DRC11: variants seen among roughly 807,000 people sequenced by gnomAD.
The protein encoded by DRC11 is IQ and AAA domain-containing protein 1.
At chr2:236,419,169 C>T in the DRC11 span, 3 of 1,530,218 alleles carry the variant, frequency 2.0e-6, no homozygotes, top group South Asian at 3.8e-5. This position sits in a 1 kb window ranked among gnomAD's most constrained non-coding sequence, Gnocchi z 4.8. Context: ...TCCTTTGTTC[C>T]TTTCTTTTGT....
chr2:236,465,569 T>C, the DRC11 span: 3 of 1,614,036 alleles, frequency 1.9e-6, no homozygotes, highest in South Asian at 2.2e-5. The surrounding 1 kb of genome is among the most constrained non-coding windows in gnomAD (Gnocchi z 6.2). Context: ...ACGCCTTCTA[T>C]CAACTTTAGG....
chr2:236,437,793 GT>G, the DRC11 span, among the ~76,000 whole-genome samples: 3 of 151,826 alleles, frequency 2.0e-5, no homozygotes, highest in South Asian at 2.1e-4. Context: ...GGGGTCGTTT[GT>G]TTTTTTCTTG....
chr2:236,469,698 A>T, the DRC11 span, among the ~76,000 whole-genome samples: 802 of 152,332 alleles, frequency 5.3e-3, 13 homozygotes, highest in African/African-American at 0.019. The surrounding 1 kb of genome is among the most constrained non-coding windows in gnomAD (Gnocchi z 5.8). Context: ...TTTAAAGGTT[A>T]TAACATATTT....
chr2:236,439,833 A>G, the DRC11 span, among the ~76,000 whole-genome samples: 1 of 152,316 alleles, frequency 6.6e-6, no homozygotes, highest in South Asian at 2.1e-4. Context: ...TTCCTTAAAA[A>G]AGAAAACGTT....
the DRC11 span, among the ~76,000 whole-genome samples, chr2:236,307,676 T>C: frequency 6.6e-6 from 1 of 152,276 alleles, no homozygotes; most frequent in African/African-American, 2.4e-5. The surrounding 1 kb of genome is among the most constrained non-coding windows in gnomAD (Gnocchi z 7.0). Context: ...TGCCAGACTC[T>C]TGCAGCAACA....
the DRC11 span, chr2:236,419,299 T>A: frequency 6.6e-7 from 1 of 1,518,024 alleles, no homozygotes; most frequent in Non-Finnish European, 8.8e-7. This position sits in a 1 kb window ranked among gnomAD's most constrained non-coding sequence, Gnocchi z 4.8. Context: ...AATCATACCA[T>A]TTTCATAGAT....
At chr2:236,314,298 CACAACCAT>C in the DRC11 span, among the ~76,000 whole-genome samples, 1 of 152,096 alleles carries the variant, frequency 6.6e-6, no homozygotes, top group Non-Finnish European at 1.5e-5. The surrounding 1 kb of genome is among the most constrained non-coding windows in gnomAD (Gnocchi z 4.5). Flanking sequence ...GCTACAAGTC[CACAACCAT>C]ACATGATAAA....
At chr2:236,364,598 G>A in the DRC11 span, among the ~76,000 whole-genome samples, 3 of 101,872 alleles carry the variant, frequency 2.9e-5, no homozygotes, top group African/African-American at 1.0e-4. Context: ...GGTTCATGCC[G>A]TGTTCTCCAC....
At chr2:236,458,168 G>A in the DRC11 span, among the ~76,000 whole-genome samples, 217 of 152,324 alleles carry the variant, frequency 1.4e-3, 1 homozygote, top group African/African-American at 5.1e-3. Flanking sequence ...AGGTAGGGCC[G>A]AAGGTTTAAG....
chr2:236,415,541 C>G, the DRC11 span, among the ~76,000 whole-genome samples: 1 of 152,116 alleles, frequency 6.6e-6, no homozygotes, highest in Non-Finnish European at 1.5e-5. The surrounding 1 kb of genome is among the most constrained non-coding windows in gnomAD (Gnocchi z 5.7). Context: ...TTAAATATAT[C>G]AATTTTTATT....
At chr2:236,375,020 A>C in the DRC11 span, among the ~76,000 whole-genome samples, 1 of 151,896 alleles carries the variant, frequency 6.6e-6, no homozygotes, top group Non-Finnish European at 1.5e-5. This position sits in a 1 kb window ranked among gnomAD's most constrained non-coding sequence, Gnocchi z 4.2. Flanking sequence ...CTTTAAAATG[A>C]CCAGATCTCG....
the DRC11 span, among the ~76,000 whole-genome samples, chr2:236,454,410 T>A: frequency 6.6e-6 from 1 of 152,232 alleles, no homozygotes; most frequent in Non-Finnish European, 1.5e-5. The surrounding 1 kb of genome is among the most constrained non-coding windows in gnomAD (Gnocchi z 5.3). Flanking sequence ...TTCAACCTAA[T>A]ATCTTTTCCA....
the DRC11 span, among the ~76,000 whole-genome samples, chr2:236,336,122 C>T: frequency 1.3e-5 from 2 of 152,110 alleles, no homozygotes; most frequent in Non-Finnish European, 2.9e-5. The surrounding 1 kb of genome is among the most constrained non-coding windows in gnomAD (Gnocchi z 7.3). Flanking sequence ...GCAGAAATAG[C>T]TGGGCCTAAA....
At chr2:236,377,666 T>C in the DRC11 span, among the ~76,000 whole-genome samples, 4 of 152,238 alleles carry the variant, frequency 2.6e-5, no homozygotes, top group Non-Finnish European at 5.9e-5. The surrounding 1 kb of genome is among the most constrained non-coding windows in gnomAD (Gnocchi z 4.9). Context: ...AGACTTATAC[T>C]GAAGATAATT....
the DRC11 span, among the ~76,000 whole-genome samples, chr2:236,330,845 T>C: frequency 2.6e-5 from 4 of 152,216 alleles, no homozygotes; most frequent in Admixed American, 2.0e-4. This position sits in a 1 kb window ranked among gnomAD's most constrained non-coding sequence, Gnocchi z 5.5. Context: ...CAAAGTTTCC[T>C]TCAGATCCAA....
the DRC11 span, among the ~76,000 whole-genome samples, chr2:236,350,180 T>C: frequency 1.3e-5 from 2 of 152,230 alleles, no homozygotes; most frequent in Non-Finnish European, 2.9e-5. The surrounding 1 kb of genome is among the most constrained non-coding windows in gnomAD (Gnocchi z 5.2). Flanking sequence ...TCTAAATCAG[T>C]TGTTTTGAAA....
the DRC11 span, among the ~76,000 whole-genome samples, chr2:236,503,410 C>G: frequency 1.3e-5 from 2 of 152,196 alleles, no homozygotes; most frequent in Non-Finnish European, 2.9e-5. The surrounding 1 kb of genome is among the most constrained non-coding windows in gnomAD (Gnocchi z 4.9). Context: ...TCAGTTGGGT[C>G]AGAGAAGCAG....
the DRC11 span, chr2:236,364,039 C>G: frequency 6.9e-7 from 1 of 1,451,224 alleles, no homozygotes; most frequent in Non-Finnish European, 9.5e-7. Flanking sequence ...GGTTCTTCAA[C>G]TAGGATAACT....
At chr2:236,320,771 C>A in the DRC11 span, among the ~76,000 whole-genome samples, 31 of 152,158 alleles carry the variant, frequency 2.0e-4, no homozygotes, top group Admixed American at 1.3e-3. Context: ...TGGCCCAGGG[C>A]GGCTGAGGCC....
Sources: allele counts gnomAD v4.1 joint callset (sites outside exome capture counted in the v4.1 genomes callset), GRCh38; gene constraint gnomAD v4.1.1; non-coding constraint Gnocchi (gnomAD v3.1); transcripts MANE v1.5; gene names NCBI Gene and HGNC (gene_info 2026-07-23, HGNC 2026-07-21).